The following LAMP5 variants were observed in gnomAD, a reference collection of about 807,000 sequenced individuals.
The protein encoded by LAMP5 is lysosome associated membrane protein 5.
Under a neutral mutation model 30.2 loss-of-function variants are expected in LAMP5, and 36 were observed. The ratio of observed to expected loss-of-function variants is 1.19; its 90% CI spans 0.91 to 1.57. The LOEUF is 1.57. LAMP5 is among the 40% of genes most tolerant of loss of function. LAMP5 has a pLI of 0.00. For synonymous variants in LAMP5, 149 were observed against 134.6 expected, an observed-to-expected ratio of 1.11 and a Z score of -0.74; for missense variants, 377 against 354.9, an observed-to-expected ratio of 1.06 and a Z score of -0.50.
At chr20:9,515,356 T>A in intron 1 of LAMP5, 97 bp from the exon 2 acceptor site, 1 of 1,177,778 alleles carries the variant, frequency 8.5e-7, no homozygotes, top group Non-Finnish European at 1.2e-6. Flanking sequence ...GAGAACTTTG[T>A]CACTCCAAAG....
Position 9,514,593 on chromosome 20 carries a change from T to G in LAMP5, c.-260T>G. The G allele has an allele frequency of 1.9e-6, 1 of 526,864 alleles. No homozygotes were observed. The highest frequency in any genetic ancestry group is 3.4e-6 in the Non-Finnish European group (1 of 295,134). 32.6% of individuals were successfully genotyped at this position (526,864 alleles called of 1,614,324 possible). The stretch of plus-strand genomic sequence containing the variant: ...CAGCCACTCCTGCCACACAATCGGA[T>G]TGCTTTCAGCACTCGCAGCCGTGGA... On this transcript the variant is annotated 5_prime_UTR_variant, in exon 1 of 6. Coordinates refer to ENST00000246070, the MANE Select transcript of LAMP5 (RefSeq NM_012261.4).
chr20:9,517,964 G>A (rs966998212), intron 4 of LAMP5, 76 bp from the exon 5 acceptor site: 14 of 1,340,396 alleles, frequency 1.0e-5, no homozygotes, highest in East Asian at 9.3e-5. Context: ...GGAACTGAGA[G>A]GCAATAGCCA....
At chr20:9,521,297 T>C (rs111704858) in intron 5 of LAMP5, among the ~76,000 whole-genome samples, 2 of 152,128 alleles carry the variant, frequency 1.3e-5, no homozygotes, top group Admixed American at 1.3e-4. Flanking sequence ...GAGGCAGCAG[T>C]GCCTTGGAGC....
At chr20:9,517,306 A>G (rs2045047513) in intron 4 of LAMP5, among the ~76,000 whole-genome samples, 1 of 152,246 alleles carries the variant, frequency 6.6e-6, no homozygotes, top group African/African-American at 2.4e-5. Flanking sequence ...GTGTGTAAGG[A>G]CAAGCATCCA....
rs986866868 is a variant in LAMP5, at chr20:9,516,291, T to C, written c.405T>C (p.Thr135=). 1.9e-6 allele frequency: 3 copies of C among 1,614,138 alleles called. No homozygotes were observed. The highest frequency in any genetic ancestry group is 1.7e-6 in the Non-Finnish European group (2 of 1,180,028). The change falls in exon 4 of 6, where the codon ACT becomes ACC. Residue 135 remains threonine, a synonymous_variant. Transcript: ENST00000246070. ...ACATGTCCAAGGGACCTGAGGCGAC[T>C]TGGAGGCTGAGCAAAGTGCAGTTTG... ...SHNMSKGPEA[T]WRLSKVQFVY...
chr20:9,529,581 A>T, intron 5 of LAMP5, 61 bp from the exon 6 acceptor site: 3 of 1,502,034 alleles, frequency 2.0e-6, no homozygotes, highest in Admixed American at 4.0e-5. Flanking sequence ...TTTGTTTTGT[A>T]GAACTTATGA....
chr20:9,527,109 C>G (rs2122848636), intron 5 of LAMP5, among the ~76,000 whole-genome samples: 1 of 152,010 alleles, frequency 6.6e-6, no homozygotes, highest in East Asian at 1.9e-4. Context: ...ACCTCTGCAA[C>G]CAGCATGCAG....
intron 2 of LAMP5, 47 bp downstream of exon 2, chr20:9,515,672 C>T (rs368221499): frequency 6.3e-7 from 1 of 1,589,818 alleles, no homozygotes; most frequent in Non-Finnish European, 8.6e-7. Context: ...GGCTCCAGGG[C>T]GAAGGGCACC....
chr20:9,521,352 G>T (rs1465219300), intron 5 of LAMP5, among the ~76,000 whole-genome samples: 1 of 152,190 alleles, frequency 6.6e-6, no homozygotes, highest in Non-Finnish European at 1.5e-5. Context: ...AACAGCTGTT[G>T]CATGAGGTTT....
chr20:9,529,478 TTAAG>T (rs2045135486), intron 5 of LAMP5, among the ~76,000 whole-genome samples, 160 bp from the exon 6 acceptor site: 1 of 152,212 alleles, frequency 6.6e-6, no homozygotes, highest in Non-Finnish European at 1.5e-5. Flanking sequence ...TGTAGAACGA[TTAAG>T]TGTTAACCTA....
Position 9,515,061 on chromosome 20 carries a change from A to T in LAMP5, c.64+145A>T, listed in dbSNP as rs1568942001. The T allele has an allele frequency of 1.5e-5, 11 of 745,594 alleles. No individual in the cohort carries two copies. The South Asian group carries it at 2.0e-4, about 13-fold the overall frequency. 46.2% of individuals were successfully genotyped at this position (745,594 alleles called of 1,614,324 possible). On this transcript the variant is annotated intron_variant, in intron 1 of 5. Transcript: ENST00000246070. ...TTTTCTTTTTTTCTTTTAGGGGAGG[A>T]GGGAGGGCCTTCCTCGCCGGTGGCA...
intron 5 of LAMP5, among the ~76,000 whole-genome samples, chr20:9,522,972 C>CTT (rs60017722): frequency 0.012 from 1,258 of 104,076 alleles, 52 homozygotes; most frequent in African/African-American, 0.032. Context: ...ATACTTAAAT[C>CTT]TTTTTTTTTT....
intron 5 of LAMP5, among the ~76,000 whole-genome samples, chr20:9,524,050 CAT>C (rs2045095715): frequency 6.6e-6 from 1 of 152,172 alleles, no homozygotes; most frequent in Admixed American, 6.5e-5. Context: ...CAATAGAAAT[CAT>C]AGGTATTTTC....
chr20:9,517,398 C>A (rs765007670), intron 4 of LAMP5, among the ~76,000 whole-genome samples: 1 of 152,060 alleles, frequency 6.6e-6, no homozygotes, highest in Non-Finnish European at 1.5e-5. Context: ...AAAACCAAGT[C>A]ACTGTTCCTT....
At position 9,530,477 on chromosome 20, in the gene LAMP5, T is replaced by C. The variant is rs2045143298; in HGVS notation, c.*657T>C. 3 of 152,656 alleles carry C rather than the reference T, an allele frequency of 2.0e-5. No homozygotes were observed. The highest frequency in any genetic ancestry group is 2.0e-4 in the Admixed American group (3 of 15,272). 9.5% of individuals were successfully genotyped at this position (152,656 alleles called of 1,614,324 possible). ...AGTCGGGGGACCTGAAGAATCAATCTGTGTGAGTCTGTTTTTCAAAATGAA... is the reference window on the plus strand; with the variant it reads ...AGTCGGGGGACCTGAAGAATCAATCCGTGTGAGTCTGTTTTTCAAAATGAA... On this transcript the variant is annotated 3_prime_UTR_variant, in exon 6 of 6. Transcript: ENST00000246070.
At chr20:9,524,543 C>T (rs1276266209) in intron 5 of LAMP5, among the ~76,000 whole-genome samples, 77 of 136,922 alleles carry the variant, frequency 5.6e-4, no homozygotes, top group African/African-American at 2.1e-3. Flanking sequence ...AAGAGAAAAG[C>T]GTGCCCTGCT....
chr20:9,522,811 G>T (rs1263149500), intron 5 of LAMP5, among the ~76,000 whole-genome samples: 2 of 152,134 alleles, frequency 1.3e-5, no homozygotes, highest in East Asian at 3.9e-4. Context: ...CAGTGTCTGT[G>T]TCCACTACAC....
At chr20:9,518,278 G>A (rs1172368928) in intron 5 of LAMP5, 50 bp downstream of exon 5, 1 of 1,549,198 alleles carries the variant, frequency 6.5e-7, no homozygotes, top group Admixed American at 1.7e-5. Context: ...ATTTCAGGAA[G>A]GATGAGAGAG....
At position 9,518,125 on chromosome 20, in the gene LAMP5, C is replaced by A. The variant is rs774595518; in HGVS notation, c.561C>A (p.Thr187=). The A allele has an allele frequency of 4.3e-6, 7 of 1,614,070 alleles. No individual in the cohort carries two copies. The African/African-American group carries it at 8.0e-5, about 18-fold the overall frequency. ...GKSYECQAQQ[T]ISLASSDPQK... The stretch of plus-strand genomic sequence containing the variant: ...CCTATGAGTGTCAAGCTCAACAAAC[C>A]ATTTCACTGGCCTCTAGTGATCCGC... Residue 187 remains threonine, a synonymous_variant, in exon 5 of 6, where the codon ACC becomes ACA. Coordinates refer to ENST00000246070, the MANE Select transcript of LAMP5 (RefSeq NM_012261.4).
Sources: gnomAD v4.1 joint callset for allele counts (sites outside exome capture counted in the v4.1 genomes callset) on GRCh38, gnomAD v4.1.1 for gene constraint, MANE v1.5 for transcripts, NCBI Gene and HGNC (gene_info 2026-07-23, HGNC 2026-07-21) for gene names.